Variants in VWC2L observed in about 807,000 individuals in gnomAD.
VWC2L encodes von Willebrand factor C domain-containing protein 2-like.
In VWC2L, 10 loss-of-function variants were observed where a neutral mutation model predicts 21.6. The ratio of observed to expected loss-of-function variants is 0.46; its 90% confidence interval spans 0.29 to 0.78. The LOEUF (loss-of-function observed/expected upper bound fraction) is 0.78. Ranked by LOEUF, VWC2L falls within the 30% of genes least tolerant of loss-of-function variation. The pLI is 0.10. For synonymous variants in VWC2L, 96 were observed against 94.3 expected (o/e 1.02, Z -0.10); for missense variants, 209 against 277.1 (o/e 0.75, Z 1.74).
intron 3 of VWC2L, among the ~76,000 whole-genome samples, chr2:214,553,559 A>T (rs1221942127): frequency 6.6e-6 from 1 of 152,194 alleles, no homozygotes; most frequent in African/African-American, 2.4e-5. Context: ...CCAAGGTTTT[A>T]TCATACAGGT....
chr2:214,477,762 T>C (rs1423057257), intron 3 of VWC2L, among the ~76,000 whole-genome samples: 2 of 152,246 alleles, frequency 1.3e-5, no homozygotes, highest in African/African-American at 2.4e-5. Flanking sequence ...TATTATACAA[T>C]TGAAGTCTTC....
intron 3 of VWC2L, among the ~76,000 whole-genome samples, chr2:214,547,550 A>G (rs1269310376): frequency 6.6e-6 from 1 of 152,220 alleles, no homozygotes; most frequent in African/African-American, 2.4e-5. Context: ...GCAACAATTA[A>G]TTTAATAATA....
At chr2:214,513,904 C>T (rs1689098190) in intron 3 of VWC2L, among the ~76,000 whole-genome samples, 1 of 152,088 alleles carries the variant, frequency 6.6e-6, no homozygotes, top group Non-Finnish European at 1.5e-5. Context: ...AGCCATATTG[C>T]CCTCTGCCAG....
At chr2:214,450,252 T>C (rs28424148) in intron 3 of VWC2L, among the ~76,000 whole-genome samples, 24,204 of 152,154 alleles carry the variant, frequency 0.16, 2,016 homozygotes, top group East Asian at 0.25. Context: ...AAAATCTACA[T>C]TGAATTCTTG....
chr2:214,456,277 T>G (rs1032938119), intron 3 of VWC2L, among the ~76,000 whole-genome samples: 22 of 152,182 alleles, frequency 1.4e-4, no homozygotes, highest in Non-Finnish European at 2.6e-4. Context: ...GACTTGAATT[T>G]TCCTGATGAT....
At chr2:214,504,594 T>C (rs1182271853) in intron 3 of VWC2L, among the ~76,000 whole-genome samples, 2 of 152,200 alleles carry the variant, frequency 1.3e-5, no homozygotes, top group African/African-American at 2.4e-5. Flanking sequence ...GGGCAGGGTC[T>C]GAACAAAGCT....
rs1703132148 is a variant in VWC2L, at chr2:214,460,998, T to C, written c.520+24240T>C. Reference sequence around the variant, plus strand: ...ATTCTGGGTGCATGCAATAGTCTAGTATCCATATGATTTCTTTAGCTATAA... The same window carrying C: ...ATTCTGGGTGCATGCAATAGTCTAGCATCCATATGATTTCTTTAGCTATAA... On this transcript the variant is annotated intron_variant, in intron 3 of 3. Transcript: ENST00000312504. Among the ~76,000 whole-genome samples the C allele has an allele frequency of 3.9e-5, 6 of 152,366 alleles. No homozygotes were observed. The South Asian group carries it at 1.2e-3, about 32-fold the overall frequency.
chr2:214,449,856 A>T (rs1311567527), intron 3 of VWC2L, among the ~76,000 whole-genome samples: 1 of 152,250 alleles, frequency 6.6e-6, no homozygotes, highest in Non-Finnish European at 1.5e-5. Context: ...ATAACTAGCC[A>T]GCCCCGAGTC....
At chr2:214,525,941 G>A (rs996316739) in intron 3 of VWC2L, among the ~76,000 whole-genome samples, 22 of 152,060 alleles carry the variant, frequency 1.4e-4, no homozygotes, top group African/African-American at 5.3e-4. Flanking sequence ...CCATTATTGT[G>A]AGAATTAAAT....
At chr2:214,542,782 A>C (rs887283930) in intron 3 of VWC2L, among the ~76,000 whole-genome samples, 7 of 152,182 alleles carry the variant, frequency 4.6e-5, no homozygotes, top group African/African-American at 1.7e-4. Flanking sequence ...GGTTAAAGCT[A>C]ATGGCTGTAC....
At chr2:214,543,064 A>G (rs1379944054) in intron 3 of VWC2L, among the ~76,000 whole-genome samples, 1 of 152,224 alleles carries the variant, frequency 6.6e-6, no homozygotes, top group African/African-American at 2.4e-5. Context: ...TTCAGTTTAC[A>G]TATTTTCTCT....
intron 3 of VWC2L, among the ~76,000 whole-genome samples, chr2:214,447,188 C>T (rs772599388): frequency 2.6e-5 from 4 of 152,080 alleles, no homozygotes; most frequent in Non-Finnish European, 5.9e-5. Context: ...TGCCAAGATT[C>T]ATGAATACCT....
At chr2:214,506,270 T>C (rs1688966685) in intron 3 of VWC2L, among the ~76,000 whole-genome samples, 1 of 152,136 alleles carries the variant, frequency 6.6e-6, no homozygotes, top group East Asian at 1.9e-4. Flanking sequence ...CTGTAGCATT[T>C]GAAAAGCTTT....
chr2:214,532,906 GC>G (rs1689461902), intron 3 of VWC2L, among the ~76,000 whole-genome samples: 1 of 152,180 alleles, frequency 6.6e-6, no homozygotes, highest in Non-Finnish European at 1.5e-5. Flanking sequence ...AAATACAGAT[GC>G]TGGAGCAGTG....
chr2:214,486,497 T>C (rs551234331), intron 3 of VWC2L, among the ~76,000 whole-genome samples: 3 of 152,322 alleles, frequency 2.0e-5, no homozygotes, highest in East Asian at 1.9e-4. Context: ...AGCTGCTTCA[T>C]AGAACTGCTC....
chr2:214,434,586 G>A (rs1702650059), intron 2 of VWC2L, among the ~76,000 whole-genome samples: 1 of 152,028 alleles, frequency 6.6e-6, no homozygotes, highest in Non-Finnish European at 1.5e-5. Flanking sequence ...CATAGGCCCT[G>A]GGAAAGTTAT....
At chr2:214,526,560 T>G (rs890611271) in intron 3 of VWC2L, among the ~76,000 whole-genome samples, 9 of 152,226 alleles carry the variant, frequency 5.9e-5, no homozygotes, top group African/African-American at 2.2e-4. Context: ...GATTCAAACC[T>G]GGCTGAATTC....
At chr2:214,482,340 A>T (rs1688614362) in intron 3 of VWC2L, among the ~76,000 whole-genome samples, 1 of 151,980 alleles carries the variant, frequency 6.6e-6, no homozygotes. Context: ...ACGCTACTCA[A>T]TTCCTCCTCC....
rs1315332034 is a variant in VWC2L at position 214,554,136 on chromosome 2, C to T, written c.521-21536C>T. Among the ~76,000 whole-genome samples, 4 of 151,416 alleles carry T rather than the reference C, an allele frequency of 2.6e-5. No individual in the cohort carries two copies. The South Asian group carries it at 8.3e-4, about 31-fold the overall frequency. Reference sequence around the variant, plus strand: ...AGTTCCTTTTCACCCCACAAGTCTCCACTCAGTCTTTATATCCTCTAGGAA... The same window carrying T: ...AGTTCCTTTTCACCCCACAAGTCTCTACTCAGTCTTTATATCCTCTAGGAA... On this transcript the variant is annotated intron_variant, in intron 3 of 3. Coordinates refer to ENST00000312504, the MANE Select transcript of VWC2L (RefSeq NM_001080500.4).
Sources: gnomAD v4.1 joint callset for allele counts (sites outside exome capture counted in the v4.1 genomes callset) on GRCh38, gnomAD v4.1.1 for gene constraint, MANE v1.5 for transcripts, NCBI Gene and HGNC (gene_info 2026-07-23, HGNC 2026-07-21) for gene names.